The following CACNA1C variants were observed in gnomAD, a reference collection of about 807,000 sequenced individuals.
CACNA1C encodes the protein calcium voltage-gated channel subunit alpha1 C, also known as voltage-dependent L-type calcium channel subunit alpha-1C.
In CACNA1C, 30 loss-of-function variants were observed where a neutral mutation model predicts 229.0. The ratio of observed to expected loss-of-function variants is 0.13; its 90% CI spans 0.10 to 0.18. The LOEUF (loss-of-function observed/expected upper bound fraction) is 0.18. Among genes scored for constraint, CACNA1C ranks in the 10% least tolerant of loss-of-function variants. CACNA1C has a pLI of 1.00. For synonymous variants in CACNA1C, 1,114 were observed against 1,132.5 expected (o/e 0.98, Z 0.33); for missense variants, 1,658 against 2,845.0 (o/e 0.58, Z 9.49).
chr12:2,308,997 A>G (rs1473298020), intron 3 of CACNA1C, among the ~76,000 whole-genome samples: 2 of 152,242 alleles, frequency 1.3e-5, no homozygotes, highest in Non-Finnish European at 2.9e-5. Context: ...CTGGGTGTAT[A>G]TCTAAAGGAA....
intron 3 of CACNA1C, among the ~76,000 whole-genome samples, chr12:2,210,810 T>G (rs78201601): frequency 0.029 from 4,464 of 152,276 alleles, 194 homozygotes; most frequent in African/African-American, 0.1. Flanking sequence ...CCAGCACATT[T>G]CTGGAGGCTG....
intron 3 of CACNA1C, among the ~76,000 whole-genome samples, chr12:2,175,923 G>A (rs956315181): frequency 6.6e-6 from 1 of 152,064 alleles, no homozygotes; most frequent in East Asian, 1.9e-4. Context: ...CTATATGCTG[G>A]GTATCGTTCT....
intron 1 of CACNA1C, among the ~76,000 whole-genome samples, chr12:1,986,193 G>A (rs141477391): frequency 2.0e-5 from 3 of 152,316 alleles, no homozygotes; most frequent in East Asian, 3.9e-4. Context: ...TATATTGTAA[G>A]TTAATTCTCA....
chr12:2,499,412 C>T (rs1174338521), intron 7 of CACNA1C, among the ~76,000 whole-genome samples: 1 of 152,174 alleles, frequency 6.6e-6, no homozygotes, highest in Non-Finnish European at 1.5e-5. Flanking sequence ...AGGAAAGGTA[C>T]ACACAGCTTG....
chr12:2,394,189 C>T (rs866556089), intron 3 of CACNA1C, among the ~76,000 whole-genome samples: 3 of 152,238 alleles, frequency 2.0e-5, no homozygotes, highest in Non-Finnish European at 2.9e-5. Flanking sequence ...TGAACCAGCA[C>T]GGGCCAGGCG....
intron 4 of CACNA1C, among the ~76,000 whole-genome samples, chr12:2,453,248 G>C (rs2099395111): frequency 1.3e-5 from 2 of 152,118 alleles, no homozygotes; most frequent in South Asian, 4.1e-4. Context: ...GCTCAGCCCT[G>C]CCTGGCCCTG....
In CACNA1C at chr12:2,352,799, C is replaced by A. The variant is rs114013961; in HGVS notation, c.478-96177C>A. On this transcript the variant is annotated intron_variant, in intron 3 of 46. Coordinates refer to ENST00000399655, the MANE Select transcript of CACNA1C (RefSeq NM_000719.7). ...AAATGAGTTCAGGACTAACCCTGAC[C>A]TACCTCTTTGTTGTGATATAGGATC... Among the ~76,000 whole-genome samples, 93 of 152,190 alleles carry A rather than the reference C, an allele frequency of 6.1e-4. 1 individual carries two copies. Among genetic ancestry groups the A allele is most frequent in the African/African-American group, 4.6e-4 (19 of 41,516 alleles).
At chr12:2,242,514 A>AT (rs1398101489) in intron 3 of CACNA1C, among the ~76,000 whole-genome samples, 1 of 152,216 alleles carries the variant, frequency 6.6e-6, no homozygotes, top group Admixed American at 6.5e-5. Context: ...AAAAATTTGG[A>AT]TTTTGTATGA....
At chr12:2,176,880 A>G (rs2096661318) in intron 3 of CACNA1C, among the ~76,000 whole-genome samples, 2 of 152,294 alleles carry the variant, frequency 1.3e-5, no homozygotes, top group African/African-American at 4.8e-5. Flanking sequence ...CGTCTTTACC[A>G]TCACTGAAGA....
chr12:2,040,598 A>G (rs898283767), intron 1 of CACNA1C, among the ~76,000 whole-genome samples: 1 of 152,236 alleles, frequency 6.6e-6, no homozygotes, highest in African/African-American at 2.4e-5. Context: ...CAAATAGACA[A>G]TTAATTCTTA....
chr12:2,228,828 G>A (rs76618989), intron 3 of CACNA1C, among the ~76,000 whole-genome samples: 2 of 152,214 alleles, frequency 1.3e-5, no homozygotes, highest in African/African-American at 4.8e-5. Flanking sequence ...CCAGGTGCCA[G>A]GGAAAGAGGA....
intron 38 of CACNA1C, chr12:2,672,302 C>T (rs759804121): frequency 2.6e-5 from 4 of 152,092 alleles, no homozygotes; most frequent in African/African-American, 4.8e-5. Context: ...AAACAATTGT[C>T]GGTGAACTTC....
In CACNA1C at chr12:2,679,504, T is replaced by A; in HGVS notation, c.5152T>A (p.Phe1718Ile). The change falls in exon 42 of 47, where the codon TTC becomes ATC. Residue 1718 changes from phenylalanine (F) to isoleucine (I), a missense_variant. Phe to Ile is a conservative substitution (Grantham distance 21, BLOSUM62 0). Transcript: ENST00000399655. The surrounding 1 kb of genome is among the most constrained non-coding windows in gnomAD (Gnocchi z 5.5). Reference protein sequence around the residue: ...SYYQSDGRSAFPQTFTTQRPL... With the variant: ...SYYQSDGRSAIPQTFTTQRPL... ...CTACCAAAGCGACGGCCGGAGCGCC[T>A]TCCCCCAGACCTTCACCACTCAGCG... 6.2e-7 allele frequency: 1 copy of A among 1,609,434 alleles called. No homozygotes were observed. The highest frequency in any genetic ancestry group is 8.5e-7 in the Non-Finnish European group (1 of 1,176,918).
chr12:2,177,020 A>G (rs757804765), intron 3 of CACNA1C, among the ~76,000 whole-genome samples: 9 of 152,196 alleles, frequency 5.9e-5, no homozygotes, highest in Non-Finnish European at 1.2e-4. Flanking sequence ...GGCTTAATCA[A>G]TAGGTGTCTG....
intron 21 of CACNA1C, among the ~76,000 whole-genome samples, chr12:2,600,941 G>C (rs188395768): frequency 9.9e-5 from 15 of 152,252 alleles, no homozygotes; most frequent in Non-Finnish European, 1.8e-4. Context: ...AACCCTGTAG[G>C]GTAGACCTTA....
intron 3 of CACNA1C, among the ~76,000 whole-genome samples, chr12:2,400,768 CCCTGACAGTG>C (rs1217911147): frequency 6.6e-6 from 1 of 152,154 alleles, no homozygotes; most frequent in Admixed American, 6.5e-5. Flanking sequence ...GAGTGCACGG[CCCTGACAGTG>C]CCTGACACCT....
chr12:2,674,509 C>A, intron 38 of CACNA1C, 32 bp from the exon 39 acceptor site: 1 of 1,548,262 alleles, frequency 6.5e-7, no homozygotes. Context: ...CAGAGGCCCA[C>A]CAAGGGGCTG....
chr12:2,005,450 TGACA>T (rs1241303837), intron 1 of CACNA1C, among the ~76,000 whole-genome samples: 2 of 152,222 alleles, frequency 1.3e-5, no homozygotes. Flanking sequence ...AACAGGTACT[TGACA>T]GACATTTTTC....
chr12:2,178,988 G>A (rs2096751155), intron 3 of CACNA1C, among the ~76,000 whole-genome samples: 1 of 152,172 alleles, frequency 6.6e-6, no homozygotes, highest in African/African-American at 2.4e-5. Flanking sequence ...CTTGAACCCA[G>A]AAGGTAAAGG....
Sources: allele counts gnomAD v4.1 joint callset (sites outside exome capture counted in the v4.1 genomes callset), GRCh38; gene constraint gnomAD v4.1.1; non-coding constraint Gnocchi (gnomAD v3.1); transcripts MANE v1.5; gene names NCBI Gene and HGNC (gene_info 2026-07-23, HGNC 2026-07-21).